TSTD2: variants seen among roughly 807,000 people sequenced by gnomAD.
TSTD2 encodes the protein thiosulfate sulfurtransferase/rhodanese-like domain-containing protein 2.
A neutral mutation model predicts 47.9 loss-of-function variants in TSTD2; 37 were observed. The observed-to-expected ratio is 0.77, with a 90% CI of 0.59 to 1.02. The LOEUF is 1.02. Ranked by LOEUF, TSTD2 falls within the 50% of genes least tolerant of loss-of-function variation. TSTD2 has a pLI of 0.00. For missense variants in TSTD2, 586 were observed against 616.0 expected (o/e 0.95, Z 0.52); for synonymous variants, 201 against 215.9 (o/e 0.93, Z 0.61).
chr9:97,625,666 G>A lies in TSTD2; in HGVS notation c.482+15C>T. ...ATACTTTAAATCAAACCAAAATACA[G>A]AATGAAAATCTTACCTTATCAGCTC... On this transcript the variant is annotated intron_variant, in intron 3 of 9. Transcript: ENST00000341170. The A allele has an allele frequency of 6.3e-7, 1 of 1,586,810 alleles. No individual in the cohort carries two copies. Among genetic ancestry groups the A allele is most frequent in the Non-Finnish European group, 8.6e-7 (1 of 1,166,162 alleles).
At chr9:97,630,571 CTTA>C (rs1826793356) in intron 1 of TSTD2, among the ~76,000 whole-genome samples, 2 of 152,312 alleles carry the variant, frequency 1.3e-5, no homozygotes, top group Non-Finnish European at 2.9e-5. Context: ...CTGGATCTTC[CTTA>C]TTACCCCAAC....
chr9:97,610,360 G>A lies in TSTD2; in HGVS notation c.821C>T (p.Ser274Phe), dbSNP rs1826437637. The change falls in exon 6 of 10, where the codon TCC becomes TTC. Residue 274 changes from serine to phenylalanine, a missense_variant. Ser to Phe is a radical substitution (Grantham distance 155). Transcript: ENST00000341170. ...AGCAAGCATACCAGGCTTCTTGTAG[G>A]AGATCTTTTTGGGGCTGATCCCCAT... The part of the protein sequence containing the change: ...VPMGISPKKI[S>F]YKKPGIHLSP... 1.2e-6 allele frequency: 2 copies of A among 1,604,548 alleles called. No individual in the cohort carries two copies. The highest frequency in any genetic ancestry group is 1.7e-6 in the Non-Finnish European group (2 of 1,176,252).
Position 97,627,501 on chromosome 9 carries a change from G to GA in TSTD2, c.61dup (p.Ser21PhefsTer2). 6.2e-7 allele frequency: 1 copy of GA among 1,613,632 alleles called. No homozygotes were observed. The highest frequency in any genetic ancestry group is 1.3e-5 in the African/African-American group (1 of 75,018). On this transcript the variant is annotated frameshift_variant, in exon 2 of 10. Transcript: ENST00000341170. LOFTEE classifies it high-confidence loss of function. ...ACTCATATCTTTTAAATCCAGGTCA[G>GA]AAAATCTTAAAATGCAGTTCTCCAG...
At chr9:97,616,902 C>T (rs1389005818) in intron 4 of TSTD2, among the ~76,000 whole-genome samples, 2 of 152,210 alleles carry the variant, frequency 1.3e-5, no homozygotes, top group African/African-American at 4.8e-5. Context: ...GTATACACAA[C>T]CTTCCATGTT....
intron 3 of TSTD2, among the ~76,000 whole-genome samples, chr9:97,625,039 A>G (rs1381292576): frequency 6.6e-6 from 1 of 152,086 alleles, no homozygotes; most frequent in Non-Finnish European, 1.5e-5. Flanking sequence ...ATCATTTTTG[A>G]CACAAGTATA....
Position 97,604,738 on chromosome 9 carries a change from T to A in TSTD2, c.1241A>T (p.Asp414Val), listed in dbSNP as rs752641651. ...DERYALSYNS[D>V]VVSECSYCGA... is the part of the protein sequence containing the mutation. ...CTGTGCTGACCTACCTGACACCACA[T>A]CACTGTTGTAGGACAGAGCATAGCG... is the stretch of plus-strand genomic sequence containing the variant. The change falls in exon 9 of 10, where the codon GAT becomes GTT. Residue 414 changes from aspartate to valine, a missense_variant. Transcript: ENST00000341170. The A allele has an allele frequency of 6.8e-6, 11 of 1,614,208 alleles. No individual in the cohort carries two copies. The highest frequency in any genetic ancestry group is 9.3e-6 in the Non-Finnish European group (11 of 1,180,018).
chr9:97,601,240 C>CTGT lies in TSTD2; in HGVS notation c.*1226_*1228dup, dbSNP rs1826251589. On this transcript the variant is annotated 3_prime_UTR_variant, in exon 10 of 10. Transcript: ENST00000341170. ...TGAAAACTGCAATATAATATTAAAT[C>CTGT]TGTTGGTCTATGCATGGCTGCGTAT... is the stretch of plus-strand genomic sequence containing the variant. 1 of 1,258,624 alleles carries CTGT rather than the reference C, an allele frequency of 7.9e-7. No homozygotes were observed. Among genetic ancestry groups the CTGT allele is most frequent in the African/African-American group, 1.5e-5 (1 of 64,998 alleles). The allele number at this position is 1,258,624 out of a possible 1,614,324, so 78.0% of individuals were successfully genotyped here.
Position 97,601,541 on chromosome 9 carries a change from AT to A in TSTD2, c.*927del. On this transcript the variant is annotated 3_prime_UTR_variant, in exon 10 of 10. Transcript: ENST00000341170. ...ACCAACAGAAAATGAAGAAGGCCAC[AT>A]CTTTAAGGCCACCTCTGCCTCTATC... 1.0e-6 allele frequency: 1 copy of A among 990,388 alleles called. No individual in the cohort carries two copies. The highest frequency in any genetic ancestry group is 1.2e-6 in the Non-Finnish European group (1 of 832,976). The allele number at this position is 990,388 out of a possible 1,614,324, so 61.4% of individuals were successfully genotyped here. A position where few individuals can be genotyped will look rare whatever the true frequency, so the allele number is the denominator to read the frequency against.
At chr9:97,630,307 TCA>T (rs542115438) in intron 1 of TSTD2, among the ~76,000 whole-genome samples, 5 of 152,186 alleles carry the variant, frequency 3.3e-5, no homozygotes, top group Non-Finnish European at 5.9e-5. Flanking sequence ...GCATCTTTTT[TCA>T]GTCTCAGCTT....
In TSTD2 at chr9:97,602,608, A is replaced by G. The variant is rs1187266661; in HGVS notation, c.1412T>C (p.Met471Thr). The G allele has an allele frequency of 6.2e-7, 1 of 1,614,208 alleles. No individual in the cohort carries two copies. ...GCATTCCTCTTTAAAGCTGTCTTGC[A>G]TAGGGCCTGAAACTTTCCTGCTCCC... Reference protein sequence around the residue: ...DKGSRKVSGPMQDSFKEECEC... With the variant: ...DKGSRKVSGPTQDSFKEECEC... The change falls in exon 10 of 10, where the codon ATG becomes ACG. Residue 471 changes from methionine (M) to threonine (T), a missense_variant. By Grantham distance (81) the Met-to-Thr change is moderately conservative. Coordinates refer to ENST00000341170, the MANE Select transcript of TSTD2 (RefSeq NM_139246.5).
intron 4 of TSTD2, among the ~76,000 whole-genome samples, chr9:97,613,262 T>C (rs996041679): frequency 7.9e-5 from 12 of 152,184 alleles, no homozygotes; most frequent in African/African-American, 2.9e-4. Flanking sequence ...TGAGCATGTA[T>C]CTCTGCATGG....
intron 1 of TSTD2, among the ~76,000 whole-genome samples, chr9:97,628,739 G>A (rs1826762302): frequency 1.3e-5 from 2 of 152,164 alleles, no homozygotes; most frequent in Non-Finnish European, 2.9e-5. Context: ...CTGAGGTTGG[G>A]TTCTCAAAAG....
In TSTD2 at chr9:97,601,481, C is replaced by G; in HGVS notation, c.*988G>C. The G allele has an allele frequency of 1.0e-6, 1 of 993,520 alleles. No individual in the cohort carries two copies. The highest frequency in any genetic ancestry group is 1.2e-6 in the Non-Finnish European group (1 of 834,776). The allele number at this position is 993,520 out of a possible 1,614,324, so 61.5% of individuals were successfully genotyped here. On this transcript the variant is annotated 3_prime_UTR_variant, in exon 10 of 10. Coordinates refer to ENST00000341170, the MANE Select transcript of TSTD2 (RefSeq NM_139246.5). ...AGAGTAAGTGCTGGGGAAAGCAGAG[C>G]TATCAGAGGAAATCTCTCATAGAAA...
rs1318071326 is a variant in TSTD2, at chr9:97,600,827, G to T, written c.*1642C>A. ...CTGCCAGATCTCTTTTTAACATCAT[G>T]TGCGTCTCTTGGGATCCAGCAAAAG... On this transcript the variant is annotated 3_prime_UTR_variant, in exon 10 of 10. Transcript: ENST00000341170. 6 of 1,077,148 alleles carry T rather than the reference G, an allele frequency of 5.6e-6. No homozygotes were observed. The highest frequency in any genetic ancestry group is 5.7e-6 in the Non-Finnish European group (5 of 881,796). 66.7% of individuals were successfully genotyped at this position (1,077,148 alleles called of 1,614,324 possible).
chr9:97,627,671 T>C (rs1826744082), intron 1 of TSTD2, 59 bp from the exon 2 acceptor site: 3 of 1,173,664 alleles, frequency 2.6e-6, no homozygotes, highest in South Asian at 1.6e-5. Flanking sequence ...GAAGAAAATA[T>C]GAAGCTAATC....
In TSTD2 at chr9:97,629,954, A is replaced by G. The variant is rs552510359; in HGVS notation, c.-50-2342T>C. Among the ~76,000 whole-genome samples the G allele has an allele frequency of 2.0e-5, 3 of 152,292 alleles. No homozygotes were observed. The South Asian group carries it at 6.2e-4, about 32-fold the overall frequency. On this transcript the variant is annotated intron_variant, in intron 1 of 9. Coordinates refer to ENST00000341170, the MANE Select transcript of TSTD2 (RefSeq NM_139246.5). ...TATATGACCTGATGTAGTCTGTCCC[A>G]GCATTTATGCTTTCCACTGCTTTGT... is the stretch of plus-strand genomic sequence containing the variant.
chr9:97,611,959 C>G (rs7027497), intron 4 of TSTD2, among the ~76,000 whole-genome samples: 1,674 of 152,276 alleles, frequency 0.011, 21 homozygotes, highest in African/African-American at 0.037. Flanking sequence ...TATTTCACCA[C>G]CCAGGTATTA....
chr9:97,611,741 G>T (rs1185139762), intron 4 of TSTD2, 42 bp from the exon 5 acceptor site: 21 of 1,574,408 alleles, frequency 1.3e-5, no homozygotes, highest in Non-Finnish European at 1.8e-5. Context: ...ATTGTTCTTA[G>T]CTTGGTTATC....
intron 8 of TSTD2, 70 bp from the exon 9 acceptor site, chr9:97,604,935 G>A (rs1234593528): frequency 6.3e-6 from 10 of 1,581,128 alleles, no homozygotes; most frequent in South Asian, 4.7e-5. Context: ...ACGGAAGAAC[G>A]GCGCATGGCG....
Sources: gnomAD v4.1 joint callset for allele counts (sites outside exome capture counted in the v4.1 genomes callset) on GRCh38, gnomAD v4.1.1 for gene constraint, MANE v1.5 for transcripts, NCBI Gene and HGNC (gene_info 2026-07-23, HGNC 2026-07-21) for gene names.